KPNA3: variants seen among roughly 807,000 people sequenced by gnomAD.
The protein encoded by KPNA3 is karyopherin subunit alpha 3, also known as importin subunit alpha-4.
In KPNA3, 13 loss-of-function variants were observed where a neutral mutation model predicts 73.8. That is an observed-to-expected ratio of 0.18 (90% CI 0.11 to 0.28). The LOEUF (loss-of-function observed/expected upper bound fraction) is 0.28. KPNA3 is among the 10% of genes least tolerant of loss of function. The probability of loss-of-function intolerance (pLI) is 1.00; values close to 1 mark genes in which losing one functional copy is unlikely to be tolerated. For missense variants in KPNA3, 360 were observed against 618.1 expected (o/e 0.58, Z 4.43); for synonymous variants, 186 against 206.9 (o/e 0.90, Z 0.87).
intron 1 of KPNA3, among the ~76,000 whole-genome samples, chr13:49,777,235 G>C (rs575072329): frequency 6.6e-6 from 1 of 152,100 alleles, no homozygotes; most frequent in Non-Finnish European, 1.5e-5. Context: ...AACAGTATCT[G>C]TCTTAACACC....
intron 10 of KPNA3, among the ~76,000 whole-genome samples, chr13:49,714,934 CAT>C (rs1159157567): frequency 1.3e-5 from 2 of 152,004 alleles, no homozygotes; most frequent in East Asian, 1.9e-4. Context: ...GAGAAACTAA[CAT>C]ATAATGATCA....
At chr13:49,704,428 AAATAAAAAATAAATAAAT>A (rs1954182985) in intron 15 of KPNA3, among the ~76,000 whole-genome samples, 1 of 85,602 alleles carries the variant, frequency 1.2e-5, no homozygotes, top group Admixed American at 1.5e-4. Flanking sequence ...AAAAATAAAT[AAATAAAAAATAAATAAAT>A]AAATAAATAA....
chr13:49,712,747 T>C (rs770002130), intron 10 of KPNA3, among the ~76,000 whole-genome samples: 1 of 150,324 alleles, frequency 6.7e-6, no homozygotes, highest in East Asian at 2.4e-4. Context: ...TAAAAAAATA[T>C]ATCATTTAAA....
chr13:49,715,939 C>T (rs1954300481), intron 10 of KPNA3, among the ~76,000 whole-genome samples: 1 of 152,206 alleles, frequency 6.6e-6, no homozygotes, highest in African/African-American at 2.4e-5. Flanking sequence ...AAACAGAATC[C>T]TGTGCAAAAC....
At chr13:49,719,397 T>C (rs79789710) in intron 10 of KPNA3, among the ~76,000 whole-genome samples, 2,087 of 152,260 alleles carry the variant, frequency 0.014, 30 homozygotes, top group Non-Finnish European at 0.021. Flanking sequence ...GAGAGTCCGT[T>C]TCTTCTTATT....
At chr13:49,730,623 T>A (rs1954457200) in intron 6 of KPNA3, among the ~76,000 whole-genome samples, 1 of 150,438 alleles carries the variant, frequency 6.6e-6, no homozygotes, top group Admixed American at 6.6e-5. Context: ...TTATTTTATT[T>A]TTATTATTAT....
At chr13:49,754,613 G>A (rs1346937150) in intron 1 of KPNA3, among the ~76,000 whole-genome samples, 3 of 69,792 alleles carry the variant, frequency 4.3e-5, no homozygotes, top group African/African-American at 1.3e-4. Flanking sequence ...TGAAAAGCTA[G>A]TTCTTTCAAA....
chr13:49,720,035 A>T (rs1326430163), intron 9 of KPNA3, among the ~76,000 whole-genome samples: 5 of 152,226 alleles, frequency 3.3e-5, no homozygotes, highest in African/African-American at 1.2e-4. Flanking sequence ...ATGTTCAATT[A>T]ACAAGTTAAA....
At chr13:49,786,612 ACTC>A (rs1364443443) in intron 1 of KPNA3, among the ~76,000 whole-genome samples, 3 of 152,206 alleles carry the variant, frequency 2.0e-5, no homozygotes, top group Non-Finnish European at 4.4e-5. Context: ...GTGAACCCCA[ACTC>A]AACAGATAGT....
At chr13:49,792,144 AC>A (rs1479958489) in intron 1 of KPNA3, among the ~76,000 whole-genome samples, 1 of 151,304 alleles carries the variant, frequency 6.6e-6, no homozygotes, top group Non-Finnish European at 1.5e-5. Context: ...TGGCCCGCGG[AC>A]CCCGCCTCAG....
At chr13:49,733,399 G>A (rs1357666977) in intron 2 of KPNA3, among the ~76,000 whole-genome samples, 2 of 146,734 alleles carry the variant, frequency 1.4e-5, no homozygotes, top group East Asian at 2.0e-4. Context: ...GGTGATTCTC[G>A]TGCCTCAAAC....
chr13:49,702,504 A>G, intron 15 of KPNA3, 24 bp from the exon 16 acceptor site: 1 of 1,237,292 alleles, frequency 8.1e-7, no homozygotes, highest in Non-Finnish European at 1.2e-6. Context: ...AATAATCAAA[A>G]TAACTGGTTA....
chr13:49,703,734 A>G (rs372034283), intron 15 of KPNA3, among the ~76,000 whole-genome samples: 1 of 152,168 alleles, frequency 6.6e-6, no homozygotes, highest in East Asian at 1.9e-4. Context: ...TTTCCAATAT[A>G]TTTACTCCAC....
intron 2 of KPNA3, among the ~76,000 whole-genome samples, chr13:49,746,409 T>A (rs1954617952): frequency 3.3e-5 from 5 of 151,760 alleles, no homozygotes; most frequent in Non-Finnish European, 7.4e-5. Flanking sequence ...GCCCGGGAGG[T>A]CAAGGCTGCA....
chr13:49,762,932 A>AAG (rs1566355447), intron 1 of KPNA3, among the ~76,000 whole-genome samples: 2 of 148,128 alleles, frequency 1.4e-5, no homozygotes, highest in Non-Finnish European at 3.0e-5. Context: ...AAAAACAAAA[A>AAG]AAGAAGAGGA....
At position 49,701,834 on chromosome 13, in the gene KPNA3, G is replaced by A. The variant is rs778898655; in HGVS notation, c.1532C>T (p.Thr511Ile). The change falls in exon 17 of 17, where the codon ACA becomes ATA. Residue 511 changes from threonine (T) to isoleucine (I), a missense_variant. This residue lies in a region of KPNA3 where 38 missense variants were observed against 39.0 expected (regional missense o/e 0.98). Coordinates refer to ENST00000261667, the MANE Select transcript of KPNA3 (RefSeq NM_002267.4). The stretch of plus-strand genomic sequence containing the variant: ...AAATTCTTTTGTTTGAAGGTTGGCT[G>A]TTGGATCAAAATTGTAGGTACCTCC... ...TQGGTYNFDP[T>I]ANLQTKEFNF The A allele has an allele frequency of 1.2e-6, 2 of 1,612,560 alleles. No homozygotes were observed. Among genetic ancestry groups the A allele is most frequent in the South Asian group, 2.2e-5 (2 of 91,046 alleles).
At chr13:49,743,314 T>C (rs1310384375) in intron 2 of KPNA3, among the ~76,000 whole-genome samples, 2 of 152,154 alleles carry the variant, frequency 1.3e-5, no homozygotes, top group Non-Finnish European at 2.9e-5. Flanking sequence ...CAGGGACAGA[T>C]ACTCTGACCA....
chr13:49,731,664 CA>C (rs553986574), intron 6 of KPNA3, among the ~76,000 whole-genome samples: 24 of 148,996 alleles, frequency 1.6e-4, no homozygotes, highest in Middle Eastern at 3.4e-3. Flanking sequence ...CTCTTAAATG[CA>C]AAAAAAAAGC....
intron 2 of KPNA3, among the ~76,000 whole-genome samples, chr13:49,740,974 G>T (rs776664558): frequency 2.5e-4 from 38 of 152,088 alleles, no homozygotes; most frequent in Non-Finnish European, 5.4e-4. Context: ...GCAAAAGAGA[G>T]GGTTTCTTTC....
Sources: gnomAD v4.1 joint callset for allele counts (sites outside exome capture counted in the v4.1 genomes callset) on GRCh38, gnomAD v4.1.1 for gene constraint, gnomAD v4.1.1 regional missense constraint, MANE v1.5 for transcripts, NCBI Gene and HGNC (gene_info 2026-07-23, HGNC 2026-07-21) for gene names.